ARHGEF40: variants seen among roughly 807,000 people sequenced by gnomAD.
ARHGEF40 encodes Rho guanine nucleotide exchange factor (GEF) 40.
ARHGEF40 carries 98 observed loss-of-function variants against 165.9 expected under a neutral mutation model. The ratio of observed to expected loss-of-function variants is 0.59; its 90% CI spans 0.50 to 0.70. ARHGEF40 has a LOEUF of 0.70. Ranked by LOEUF, ARHGEF40 falls within the 30% of genes least tolerant of loss-of-function variation. The probability of loss-of-function intolerance (pLI) is 0.00; values close to 1 mark genes in which losing one functional copy is unlikely to be tolerated. For missense variants in ARHGEF40, 1,815 were observed against 1,968.0 expected (o/e 0.92, Z 1.47); for synonymous variants, 792 against 814.3 (o/e 0.97, Z 0.47).
At chr14:21,076,517 A>G in intron 6 of ARHGEF40, 46 bp from the exon 7 acceptor site, 1 of 1,613,620 alleles carries the variant, frequency 6.2e-7, no homozygotes, top group Non-Finnish European at 8.5e-7. Context: ...TGGCCAGTCC[A>G]GGACACCCGA....
Position 21,074,845 on chromosome 14 carries a change from C to T in ARHGEF40, c.1115C>T (p.Pro372Leu), listed in dbSNP as rs1247268220. The T allele has an allele frequency of 2.5e-6, 4 of 1,609,506 alleles. No individual in the cohort carries two copies. Among genetic ancestry groups the T allele is most frequent in the Admixed American group, 1.7e-5 (1 of 59,146 alleles). ...GQGAEGPPGT[P>L]RRTGKGNRRK... ...GGGGCTGAAGGACCACCTGGTACCC[C>T]TCGGAGAACAGGCAAAGGAAACAGA... Residue 372 changes from proline to leucine, a missense_variant, in exon 3 of 24, where the codon CCT (proline) becomes CTT (leucine). Transcript: ENST00000298694. The surrounding 1 kb of genome is among the most constrained non-coding windows in gnomAD (Gnocchi z 4.8).
chr14:21,074,263 G>A lies in ARHGEF40; in HGVS notation c.533G>A (p.Trp178Ter), dbSNP rs772750252. 2 of 1,614,116 alleles carry A rather than the reference G, an allele frequency of 1.2e-6. No individual in the cohort carries two copies. Among genetic ancestry groups the A allele is most frequent in the South Asian group, 1.1e-5 (1 of 91,092 alleles). ...SAPSGIQRLP[W>*]AELICPRFVH... ...CCCTCTGGGATTCAGCGGCTGCCCT[G>A]GGCTGAGCTCATCTGTCCACGATTT... The change falls in exon 3 of 24, where the codon TGG (tryptophan) becomes TAG (stop). Residue 178 changes from tryptophan (W) to a stop codon, truncating the protein, a stop_gained. Transcript: ENST00000298694. LOFTEE classifies it high-confidence loss of function. This position sits in a 1 kb window ranked among gnomAD's most constrained non-coding sequence, Gnocchi z 4.8.
Position 21,074,237 on chromosome 14 carries a change from G to T in ARHGEF40, c.507G>T (p.Ala169=). ...TGRLSTCLLS[A]PSGIQRLPWA... ...GCCTCAGTACCTGCCTACTGTCTGC[G>T]CCCTCTGGGATTCAGCGGCTGCCCT... Residue 169 remains alanine (A), a synonymous_variant, in exon 3 of 24, where the codon GCG becomes GCT. Coordinates refer to ENST00000298694, the MANE Select transcript of ARHGEF40 (RefSeq NM_018071.5). This position sits in a 1 kb window ranked among gnomAD's most constrained non-coding sequence, Gnocchi z 4.8. 2 of 1,614,122 alleles carry T rather than the reference G, an allele frequency of 1.2e-6. No individual in the cohort carries two copies. Among genetic ancestry groups the T allele is most frequent in the Non-Finnish European group, 1.7e-6 (2 of 1,180,036 alleles).
intron 19 of ARHGEF40, 114 bp downstream of exon 19, chr14:21,085,980 C>A: frequency 3.4e-6 from 4 of 1,179,378 alleles, no homozygotes; most frequent in Non-Finnish European, 4.7e-6. Context: ...GAAAGAATGG[C>A]TTATAATAAG....
At position 21,074,360 on chromosome 14, in the gene ARHGEF40, A is replaced by G. The variant is rs561681937; in HGVS notation, c.630A>G (p.Pro210=). The G allele has an allele frequency of 3.8e-5, 62 of 1,613,564 alleles. No homozygotes were observed. In the South Asian group the frequency reaches 5.8e-4, roughly 15 times the overall value. ...TLPPELPSGP[P]GLPSPPLPEE... is the part of the protein sequence containing the mutation. ...CCCCAGAACTGCCCTCTGGACCTCC[A>G]GGGCTTCCCAGCCCTCCACTTCCTG... Residue 210 remains proline, a synonymous_variant, in exon 3 of 24, where the codon CCA becomes CCG. Transcript: ENST00000298694. The surrounding 1 kb of genome is among the most constrained non-coding windows in gnomAD (Gnocchi z 4.8).
chr14:21,080,458 T>C (rs1287731970), intron 11 of ARHGEF40, among the ~76,000 whole-genome samples: 1 of 152,186 alleles, frequency 6.6e-6, no homozygotes, highest in African/African-American at 2.4e-5. Context: ...TCATCTGCCT[T>C]ACCAAAGATT....
chr14:21,073,942 G>A lies in ARHGEF40; in HGVS notation c.212G>A (p.Ser71Asn). The change falls in exon 3 of 24, where the codon AGT becomes AAT. Residue 71 changes from serine to asparagine, a missense_variant. Transcript: ENST00000298694. This position sits in a 1 kb window ranked among gnomAD's most constrained non-coding sequence, Gnocchi z 4.6. ...CACCTCTCTCCCCAGGCCCAATACA[G>A]TGGATTCCTCTTCTTCCATGAGGGG... ...KVQQEACAQY[S>N]GFLFFHEGWP... The A allele has an allele frequency of 2.5e-6, 4 of 1,601,628 alleles. No individual in the cohort carries two copies. The highest frequency in any genetic ancestry group is 3.4e-6 in the Non-Finnish European group (4 of 1,178,322).
chr14:21,087,699 C>G (rs1888469228), intron 21 of ARHGEF40: 1 of 699,520 alleles, frequency 1.4e-6, no homozygotes, highest in Admixed American at 2.9e-5. Flanking sequence ...TCTTGGGTTT[C>G]TATGGAAACT....
rs932305169 is a variant in ARHGEF40, at chr14:21,087,365, C to A, written c.4289C>A (p.Ala1430Asp). The change falls in exon 21 of 24, where the codon GCC becomes GAC. Residue 1430 changes from alanine (A) to aspartate (D), a missense_variant. Ala to Asp is a moderately radical substitution (Grantham distance 126). Coordinates refer to ENST00000298694, the MANE Select transcript of ARHGEF40 (RefSeq NM_018071.5). The stretch of plus-strand genomic sequence containing the variant: ...GTGGCCGTGTCATCCTTTGAGCATG[C>A]CGGCCCCTCCCTTCCCGGCCTTTCG... ...ASVAVSSFEH[A>D]GPSLPGLSPG... 1.1e-5 allele frequency: 18 copies of A among 1,605,534 alleles called. No homozygotes were observed. Among genetic ancestry groups the A allele is most frequent in the Non-Finnish European group, 1.4e-5 (17 of 1,179,804 alleles).
intron 11 of ARHGEF40, 130 bp from the exon 12 acceptor site, chr14:21,080,530 A>C: frequency 9.7e-7 from 1 of 1,026,012 alleles, no homozygotes. Flanking sequence ...TGTCATTCCC[A>C]CATTGCAGAT....
At chr14:21,087,695 GT>G in intron 21 of ARHGEF40, 1 of 710,098 alleles carries the variant, frequency 1.4e-6, no homozygotes, top group Non-Finnish European at 2.3e-6. Flanking sequence ...CTCTTCTTGG[GT>G]TTCTATGGAA....
In ARHGEF40 at chr14:21,073,929, C is replaced by T. The variant is rs1361846858; in HGVS notation, c.202-3C>T. Reference sequence around the variant, plus strand: ...GAGTGCAGCCTCCCACCTCTCTCCCCAGGCCCAATACAGTGGATTCCTCTT... The same window carrying T: ...GAGTGCAGCCTCCCACCTCTCTCCCTAGGCCCAATACAGTGGATTCCTCTT... On this transcript the variant is annotated splice_region_variant and splice_polypyrimidine_tract_variant and intron_variant, in intron 2 of 23. Coordinates refer to ENST00000298694, the MANE Select transcript of ARHGEF40 (RefSeq NM_018071.5). The surrounding 1 kb of genome is among the most constrained non-coding windows in gnomAD (Gnocchi z 4.6). The T allele has an allele frequency of 1.3e-6, 2 of 1,593,152 alleles. No individual in the cohort carries two copies. Among genetic ancestry groups the T allele is most frequent in the Admixed American group, 1.7e-5 (1 of 59,674 alleles).
At position 21,087,099 on chromosome 14, in the gene ARHGEF40, GGAA is replaced by G. The variant is rs769698793; in HGVS notation, c.4240_4242del (p.Arg1414del). 1.2e-6 allele frequency: 2 copies of G among 1,608,162 alleles called. No homozygotes were observed. The highest frequency in any genetic ancestry group is 1.7e-6 in the Non-Finnish European group (2 of 1,177,100). On this transcript the variant is annotated inframe_deletion, in exon 20 of 24. Transcript: ENST00000298694. Reference sequence around the variant, plus strand: ...GCGGACGCTGAGTGCCCTGCTCACTGGAAGAGGTGAGGGCCAGGGTGCTGGGGG... The same window carrying G: ...GCGGACGCTGAGTGCCCTGCTCACTGGAGGTGAGGGCCAGGGTGCTGGGGG...
chr14:21,071,590 C>A, intron 1 of ARHGEF40, among the ~76,000 whole-genome samples: 1 of 152,276 alleles, frequency 6.6e-6, no homozygotes, highest in South Asian at 2.1e-4. Flanking sequence ...TCCCGCCCGC[C>A]GCCTCCCTCC....
upstream of ARHGEF40, among the ~76,000 whole-genome samples, chr14:21,068,362 C>T (rs1011718146): frequency 4.0e-5 from 6 of 151,852 alleles, no homozygotes; most frequent in Non-Finnish European, 2.9e-5. Flanking sequence ...AGTTTGTGGA[C>T]CCCCATAGCC....
At chr14:21,082,645 G>T (rs145340222) in intron 15 of ARHGEF40, among the ~76,000 whole-genome samples, 167 bp downstream of exon 15, 1 of 152,172 alleles carries the variant, frequency 6.6e-6, no homozygotes, top group African/African-American at 2.4e-5. Flanking sequence ...CAGCCTCTGC[G>T]CCCTGCTCTC....
Position 21,084,752 on chromosome 14 carries a change from G to A in ARHGEF40, c.3790-1G>A. The A allele has an allele frequency of 1.2e-6, 2 of 1,612,234 alleles. No individual in the cohort carries two copies. Among genetic ancestry groups the A allele is most frequent in the Non-Finnish European group, 1.7e-6 (2 of 1,179,564 alleles). On this transcript the variant is annotated splice_acceptor_variant, in intron 17 of 23. Coordinates refer to ENST00000298694, the MANE Select transcript of ARHGEF40 (RefSeq NM_018071.5). LOFTEE classifies it high-confidence loss of function. ...ACCACTTTTCCTTTTCCTTTCTCCA[G>A]ATAGATCTGAAGGAGCAGGGACAGC...
At chr14:21,071,663 G>A (rs1335616815) in intron 1 of ARHGEF40, among the ~76,000 whole-genome samples, 1 of 150,742 alleles carries the variant, frequency 6.6e-6, no homozygotes, top group Non-Finnish European at 1.5e-5. Flanking sequence ...GCTCAGCCAT[G>A]AGCTCACCGC....
rs752410927 is a variant in ARHGEF40 at position 21,075,356 on chromosome 14, T to A, written c.1475T>A (p.Leu492Gln). Residue 492 changes from leucine to glutamine, a missense_variant, in exon 4 of 24, where the codon CTG (leucine) becomes CAG (glutamine). Coordinates refer to ENST00000298694, the MANE Select transcript of ARHGEF40 (RefSeq NM_018071.5). This position sits in a 1 kb window ranked among gnomAD's most constrained non-coding sequence, Gnocchi z 4.5. The part of the protein sequence containing the change: ...MAGHTGPEGP[L>Q]SDTPTPPLET... The stretch of plus-strand genomic sequence containing the variant: ...GGACACACAGGCCCAGAAGGCCCCC[T>A]GTCTGACACTCCAACACCTCCGCTG... 1.9e-6 allele frequency: 3 copies of A among 1,614,094 alleles called. No homozygotes were observed. In the Admixed American group the frequency reaches 5.0e-5, roughly 27 times the overall value.
Sources: allele counts gnomAD v4.1 joint callset (sites outside exome capture counted in the v4.1 genomes callset), GRCh38; gene constraint gnomAD v4.1.1; non-coding constraint Gnocchi (gnomAD v3.1); transcripts MANE v1.5; gene names NCBI Gene and HGNC (gene_info 2026-07-23, HGNC 2026-07-21).